Variants in FABP7 observed in about 807,000 individuals in gnomAD.
FABP7 encodes fatty acid binding protein 7, also known as fatty acid-binding protein, brain.
FABP7 carries 13 observed loss-of-function variants against 14.2 expected under a neutral mutation model. The observed-to-expected ratio is 0.91, with a 90% CI of 0.59 to 1.45. FABP7 has a LOEUF of 1.45. Among genes scored for constraint, FABP7 ranks in the 40% most tolerant of loss-of-function variants. The probability of loss-of-function intolerance (pLI) is 0.00; values close to 1 mark genes in which losing one functional copy is unlikely to be tolerated. For synonymous variants in FABP7, 49 were observed against 51.4 expected (o/e 0.95, Z 0.20); for missense variants, 149 against 157.6 (o/e 0.95, Z 0.29).
the FABP7 span, among the ~76,000 whole-genome samples, chr6:122,760,568 T>C: frequency 1.3e-5 from 2 of 152,070 alleles, no homozygotes. Flanking sequence ...CTGCCTTCTT[T>C]TAGATTAATT....
At chr6:122,771,350 G>GT in the FABP7 span, among the ~76,000 whole-genome samples, 2 of 152,152 alleles carry the variant, frequency 1.3e-5, no homozygotes, top group Admixed American at 1.3e-4. Flanking sequence ...GGTGGTTTCT[G>GT]TAATCTTCAA....
chr6:122,781,056 T>C, intron 2 of FABP7, 37 bp from the exon 3 acceptor site: 1 of 1,576,838 alleles, frequency 6.3e-7, no homozygotes, highest in South Asian at 1.2e-5. Context: ...CTGAATTGTA[T>C]TTATTGCTAT....
At chr6:122,765,513 C>T in the FABP7 span, among the ~76,000 whole-genome samples, 1 of 151,824 alleles carries the variant, frequency 6.6e-6, no homozygotes, top group Non-Finnish European at 1.5e-5. Context: ...TGATGTCATT[C>T]TTGGTAATCT....
the FABP7 span, among the ~76,000 whole-genome samples, chr6:122,771,811 T>G: frequency 6.6e-6 from 1 of 152,176 alleles, no homozygotes; most frequent in Non-Finnish European, 1.5e-5. Context: ...GCTGAAAACT[T>G]AGAAAAGATC....
chr6:122,751,214 C>T, the FABP7 span, among the ~76,000 whole-genome samples: 1 of 152,110 alleles, frequency 6.6e-6, no homozygotes. Flanking sequence ...TTTTCTCATC[C>T]ATAAAGTGAG....
At chr6:122,755,728 A>G in the FABP7 span, among the ~76,000 whole-genome samples, 34 of 152,062 alleles carry the variant, frequency 2.2e-4, no homozygotes, top group African/African-American at 8.0e-4. Context: ...AAGTGCTGGG[A>G]TTACAAGCAT....
At chr6:122,773,120 C>T in the FABP7 span, among the ~76,000 whole-genome samples, 2 of 152,148 alleles carry the variant, frequency 1.3e-5, no homozygotes, top group South Asian at 4.1e-4. Context: ...CTAAGGCAGG[C>T]ATCTGGTTGC....
At chr6:122,781,698 A>C in intron 3 of FABP7, 5 of 981,316 alleles carry the variant, frequency 5.1e-6, no homozygotes, top group Non-Finnish European at 6.1e-6. Flanking sequence ...AAAGTATAAC[A>C]AAAAAATTAA....
chr6:122,777,875 T>TAAATAA (rs1339272538), upstream of FABP7, among the ~76,000 whole-genome samples: 1 of 35,770 alleles, frequency 2.8e-5, no homozygotes, highest in Non-Finnish European at 1.2e-4. Context: ...TAAATAAATA[T>TAAATAA]AATTTTTTTA....
At chr6:122,754,066 C>T in the FABP7 span, among the ~76,000 whole-genome samples, 9 of 152,098 alleles carry the variant, frequency 5.9e-5, no homozygotes, top group African/African-American at 2.2e-4. Flanking sequence ...TATAGGAAGT[C>T]AGCATGAAAC....
At chr6:122,756,656 C>T in the FABP7 span, among the ~76,000 whole-genome samples, 2 of 152,122 alleles carry the variant, frequency 1.3e-5, no homozygotes, top group South Asian at 2.1e-4. Flanking sequence ...AAGGACTTGT[C>T]GATAATACAT....
At chr6:122,752,845 C>T in the FABP7 span, among the ~76,000 whole-genome samples, 1 of 152,172 alleles carries the variant, frequency 6.6e-6, no homozygotes, top group East Asian at 1.9e-4. Context: ...CTTTTGCCAT[C>T]ACCTGCTTAG....
At chr6:122,779,964 A>G (rs1461487629) in intron 1 of FABP7, 97 bp downstream of exon 1, 10 of 1,166,872 alleles carry the variant, frequency 8.6e-6, no homozygotes, top group South Asian at 2.6e-5. Flanking sequence ...AGAGGCAAAG[A>G]CAGATCACAT....
At chr6:122,781,268 C>A (rs1297050884) in intron 3 of FABP7, 74 bp downstream of exon 3, 5 of 1,572,060 alleles carry the variant, frequency 3.2e-6, no homozygotes, top group Admixed American at 1.8e-5. Context: ...CTTCCTTCTT[C>A]TTCCCTCCTC....
At chr6:122,763,213 A>G in the FABP7 span, among the ~76,000 whole-genome samples, 1 of 152,326 alleles carries the variant, frequency 6.6e-6, no homozygotes, top group East Asian at 1.9e-4. Flanking sequence ...GGAACAGAAC[A>G]GAGCCCTCAG....
chr6:122,768,890 T>G, the FABP7 span, among the ~76,000 whole-genome samples: 13 of 152,212 alleles, frequency 8.5e-5, no homozygotes, highest in East Asian at 2.1e-3. Flanking sequence ...GAATAGGGAT[T>G]TCTTCCTTGT....
the FABP7 span, among the ~76,000 whole-genome samples, chr6:122,752,572 T>C: frequency 5.0e-3 from 766 of 152,326 alleles, 39 homozygotes; most frequent in East Asian, 0.099. Flanking sequence ...CCTTTATGAA[T>C]AAGCTCTGAG....
the FABP7 span, among the ~76,000 whole-genome samples, chr6:122,771,744 G>T: frequency 6.6e-6 from 1 of 152,234 alleles, no homozygotes; most frequent in Non-Finnish European, 1.5e-5. Flanking sequence ...GATTAAAGAA[G>T]AGGCTTAGAT....
the FABP7 span, among the ~76,000 whole-genome samples, chr6:122,759,605 C>T: frequency 1.4e-4 from 21 of 152,278 alleles, no homozygotes; most frequent in African/African-American, 5.1e-4. Flanking sequence ...CTTACAACTA[C>T]TGTTTAACTG....
Sources: gnomAD v4.1 joint callset for allele counts (sites outside exome capture counted in the v4.1 genomes callset) on GRCh38, gnomAD v4.1.1 for gene constraint, MANE v1.5 for transcripts, NCBI Gene and HGNC (gene_info 2026-07-23, HGNC 2026-07-21) for gene names.